ASB2: variants seen among roughly 807,000 people sequenced by gnomAD.
ASB2 encodes ankyrin repeat and SOCS box containing 2, also known as ankyrin repeat and SOCS box protein 2.
A neutral mutation model predicts 62.4 loss-of-function variants in ASB2; 58 were observed. The observed-to-expected ratio is 0.93, with a 90% CI of 0.75 to 1.16. The LOEUF (loss-of-function observed/expected upper bound fraction) is 1.16, where lower values mean the gene tolerates loss of function less well. Ranked by LOEUF, ASB2 falls within the 50% of genes most tolerant of loss-of-function variation. The pLI is 0.00. For synonymous variants in ASB2, 386 were observed against 385.3 expected, an observed-to-expected ratio of 1.00 and a Z score of -0.02; for missense variants, 928 against 887.9, an observed-to-expected ratio of 1.05 and a Z score of -0.57.
chr14:93,935,607 G>A (rs927200373), intron 9 of ASB2, among the ~76,000 whole-genome samples: 1 of 152,158 alleles, frequency 6.6e-6, no homozygotes, highest in Non-Finnish European at 1.5e-5. Flanking sequence ...GGTACGGAAG[G>A]GGGACAGGGG....
chr14:93,975,560 G>A (rs897166652), intron 1 of ASB2, among the ~76,000 whole-genome samples: 3 of 152,258 alleles, frequency 2.0e-5, no homozygotes, highest in Admixed American at 6.5e-5. Flanking sequence ...TGTGCATGCC[G>A]TCCTCTGCTC....
chr14:93,935,280 C>T (rs990554455), intron 9 of ASB2, among the ~76,000 whole-genome samples: 14 of 152,192 alleles, frequency 9.2e-5, no homozygotes, highest in Non-Finnish European at 1.5e-4. Flanking sequence ...TGACAGCTCG[C>T]CTCGAGCTCC....
chr14:93,952,580 T>G (rs776100271), intron 5 of ASB2, among the ~76,000 whole-genome samples: 2 of 152,216 alleles, frequency 1.3e-5, no homozygotes, highest in Non-Finnish European at 2.9e-5. Context: ...TGCTTTAGAA[T>G]GTAGTAGTTG....
intron 9 of ASB2, among the ~76,000 whole-genome samples, chr14:93,935,861 T>C (rs750656252): frequency 3.3e-4 from 50 of 152,360 alleles, no homozygotes; most frequent in Admixed American, 2.0e-3. Flanking sequence ...TCATTCCTGT[T>C]GCCCGGGCAG....
intron 2 of ASB2, among the ~76,000 whole-genome samples, chr14:93,960,984 T>TAAATAAATAAACAAACAAAC (rs1340934157): frequency 6.6e-5 from 10 of 150,866 alleles, no homozygotes; most frequent in African/African-American, 2.2e-4. Flanking sequence ...AATAAATAAA[T>TAAATAAATAAACAAACAAAC]AAACAGTATC....
Position 93,947,474 on chromosome 14 carries a change from G to A in ASB2, c.927C>T (p.Tyr309=), listed in dbSNP as rs763332972. The change falls in exon 7 of 10, where the codon TAC becomes TAT. Residue 309 remains tyrosine (Y), a synonymous_variant. Coordinates refer to ENST00000555019, the MANE Select transcript of ASB2 (RefSeq NM_001202429.2). ...CCTCATGCTCATTCTTGCAGGCCTC[G>A]TAGAGGGCAGACGCGTTGTCGCTGG... ...TQASDNASAL[Y]EACKNEHEEV... is the part of the protein sequence containing the mutation. The A allele has an allele frequency of 1.5e-5, 24 of 1,614,092 alleles. No homozygotes were observed. Among genetic ancestry groups the A allele is most frequent in the South Asian group, 2.2e-5 (2 of 91,092 alleles).
intron 2 of ASB2, among the ~76,000 whole-genome samples, chr14:93,959,744 G>A (rs1428705623): frequency 6.6e-6 from 1 of 152,040 alleles, no homozygotes; most frequent in Non-Finnish European, 1.5e-5. Context: ...AGTGAGAGCA[G>A]AGAATGGGCT....
Position 93,939,270 on chromosome 14 carries a change from G to A in ASB2, c.1455C>T (p.Ala485=), listed in dbSNP as rs140791740. 758 of 1,610,060 alleles carry A rather than the reference G, an allele frequency of 4.7e-4. No homozygotes were observed. Among genetic ancestry groups the A allele is most frequent in the Non-Finnish European group, 6.0e-4 (711 of 1,177,258 alleles). The change falls in exon 8 of 10, where the codon GCC becomes GCT. Residue 485 remains alanine (A), a synonymous_variant. Coordinates refer to ENST00000555019, the MANE Select transcript of ASB2 (RefSeq NM_001202429.2). ...PTAFPATIMF[A]MKCLSLLKFL... ...ACTTGAGCAGCGACAGGCACTTCAT[G>A]GCGAACATGATGGTGGCGGGGAAGG...
In ASB2 at chr14:93,953,506, C is replaced by T. The variant is rs773643047; in HGVS notation, c.480G>A (p.Ala160=). Residue 160 remains alanine, a splice_region_variant and synonymous_variant, in exon 5 of 10, where the codon GCG becomes GCA. Coordinates refer to ENST00000555019, the MANE Select transcript of ASB2 (RefSeq NM_001202429.2). ...TGCGCTGGTCGATGGTCCCTGGGTA[C>T]GCTAGGGAGGGCCCACCGGGAAATT... ...QVGCLKVLQR[A]YPGTIDQRTL... 1.2e-5 allele frequency: 19 copies of T among 1,574,520 alleles called. No homozygotes were observed. The highest frequency in any genetic ancestry group is 1.0e-4 in the South Asian group (9 of 88,128).
chr14:93,966,848 G>A (rs1174665981), intron 1 of ASB2, among the ~76,000 whole-genome samples: 2 of 152,152 alleles, frequency 1.3e-5, no homozygotes, highest in Admixed American at 6.5e-5. Flanking sequence ...AGGCTTCTCT[G>A]GTGATGTTAG....
Position 93,947,391 on chromosome 14 carries a change from C to A in ASB2, c.1010G>T (p.Gly337Val), listed in dbSNP as rs1324167289. 1.9e-6 allele frequency: 3 copies of A among 1,614,226 alleles called. No homozygotes were observed. In the South Asian group the frequency reaches 3.3e-5, roughly 18 times the overall value. The change falls in exon 7 of 10, where the codon GGC becomes GTC. Residue 337 changes from glycine to valine, a missense_variant. Physicochemically the swap from Gly to Val is moderately radical, Grantham distance 109. Transcript: ENST00000555019. ...GGAGGCGATGTGCAGCGGGAGCAAG[C>A]CGTCCTTGTTGGTCTTGTTGGCGTC... ...GADANKTNKD[G>V]LLPLHIASKK...
intron 2 of ASB2, chr14:93,957,527 G>A (rs779882473): frequency 7.5e-6 from 3 of 397,604 alleles, no homozygotes; most frequent in Non-Finnish European, 1.0e-5. Flanking sequence ...GCTGTGTGAC[G>A]TGAGACAGGT....
intron 7 of ASB2, 79 bp from the exon 8 acceptor site, chr14:93,939,751 G>C: frequency 8.8e-7 from 1 of 1,142,080 alleles, no homozygotes; most frequent in East Asian, 3.2e-5. Flanking sequence ...CAGCAGGAGA[G>C]CTCGGGCGCC....
intron 2 of ASB2, chr14:93,957,299 T>C: frequency 9.1e-7 from 1 of 1,093,558 alleles, no homozygotes; most frequent in Non-Finnish European, 1.1e-6. Flanking sequence ...GAGAGATTCA[T>C]GGCAAAGCAG....
chr14:93,939,440 G>C lies in ASB2; in HGVS notation c.1285C>G (p.Leu429Val). 8.1e-6 allele frequency: 13 copies of C among 1,612,688 alleles called. No homozygotes were observed. Among genetic ancestry groups the C allele is most frequent in the South Asian group, 3.3e-5 (3 of 91,072 alleles). ...GGGTCGGCGCCGTGTTGCAGCAGCA[G>C]CTCGGTGGCGTACACGTTGTTGTTG... ...VVNNNVYATE[L>V]LLQHGADPNR... Residue 429 changes from leucine (L) to valine (V), a missense_variant, in exon 8 of 10, where the codon CTG (leucine) becomes GTG (valine). Leu to Val is a conservative substitution (Grantham distance 32). Coordinates refer to ENST00000555019, the MANE Select transcript of ASB2 (RefSeq NM_001202429.2).
chr14:93,937,244 C>T (rs1193821456), intron 9 of ASB2, among the ~76,000 whole-genome samples: 1 of 152,208 alleles, frequency 6.6e-6, no homozygotes, highest in African/African-American at 2.4e-5. Flanking sequence ...CCCGGCCCCG[C>T]CCCAGACCTG....
intron 1 of ASB2, among the ~76,000 whole-genome samples, chr14:93,970,665 G>T (rs1414607230): frequency 1.3e-5 from 2 of 152,118 alleles, no homozygotes; most frequent in African/African-American, 4.8e-5. Context: ...TCATGACAGT[G>T]CTTCAAGCCC....
At chr14:93,939,789 G>C (rs1595301709) in intron 7 of ASB2, 117 bp from the exon 8 acceptor site, 10 of 811,660 alleles carry the variant, frequency 1.2e-5, no homozygotes, top group Non-Finnish European at 1.7e-5. Flanking sequence ...CTGACCGCGG[G>C]CTGCGACGCG....
chr14:93,958,314 G>A (rs764485269), intron 2 of ASB2, among the ~76,000 whole-genome samples: 10 of 152,328 alleles, frequency 6.6e-5, no homozygotes, highest in Middle Eastern at 3.4e-3. Flanking sequence ...GGACAGGGAG[G>A]CTGTGAGAGG....
Sources: allele counts gnomAD v4.1 joint callset (sites outside exome capture counted in the v4.1 genomes callset), GRCh38; gene constraint gnomAD v4.1.1; transcripts MANE v1.5; gene names NCBI Gene and HGNC (gene_info 2026-07-23, HGNC 2026-07-21).